The following RRAS2 variants were observed in gnomAD, a reference collection of about 807,000 sequenced individuals.
The protein encoded by RRAS2 is RAS related 2.
In RRAS2, 7 loss-of-function variants were observed where a neutral mutation model predicts 27.6. The ratio of observed to expected loss-of-function variants is 0.25; its 90% CI spans 0.14 to 0.48. The LOEUF (loss-of-function observed/expected upper bound fraction) is 0.48, where lower values mean the gene tolerates loss of function less well. Among genes scored for constraint, RRAS2 ranks in the 20% least tolerant of loss-of-function variants. RRAS2 has a pLI of 0.99. For missense variants in RRAS2, 178 were observed against 256.2 expected, an observed-to-expected ratio of 0.69 and a Z score of 2.08; for synonymous variants, 86 against 90.9, an observed-to-expected ratio of 0.95 and a Z score of 0.31.
At chr11:14,286,862 T>C (rs1221452103) in intron 4 of RRAS2, among the ~76,000 whole-genome samples, 1 of 152,240 alleles carries the variant, frequency 6.6e-6, no homozygotes, top group Non-Finnish European at 1.5e-5. Flanking sequence ...CAATTAACGA[T>C]AAGGAAGGAA....
rs1271102475 is a variant in RRAS2 at position 14,278,479 on chromosome 11, T to C, written c.*858A>G. On this transcript the variant is annotated 3_prime_UTR_variant, in exon 6 of 6. Transcript: ENST00000256196. ...TAAGAAAATAATGTATAAAAGTATATAGCAAAAACATTAATCATCTCTGAC... is the reference window on the plus strand; with the variant it reads ...TAAGAAAATAATGTATAAAAGTATACAGCAAAAACATTAATCATCTCTGAC... The C allele has an allele frequency of 6.6e-6, 1 of 152,240 alleles. No individual in the cohort carries two copies. Among genetic ancestry groups the C allele is most frequent in the South Asian group, 2.1e-4 (1 of 4,834 alleles). 9.4% of individuals were successfully genotyped at this position (152,240 alleles called of 1,614,324 possible).
At chr11:14,351,592 T>C (rs1199816748) in intron 1 of RRAS2, among the ~76,000 whole-genome samples, 3 of 152,054 alleles carry the variant, frequency 2.0e-5, no homozygotes, top group Middle Eastern at 3.2e-3. Flanking sequence ...TAGCCGGGCA[T>C]GGTGGCAAGC....
intron 1 of RRAS2, among the ~76,000 whole-genome samples, chr11:14,343,201 T>TA (rs1275739811): frequency 6.6e-6 from 1 of 152,110 alleles, no homozygotes; most frequent in Admixed American, 6.5e-5. Flanking sequence ...TACAAAGAAA[T>TA]AGACACTAAA....
chr11:14,280,377 G>C (rs1475587969), intron 5 of RRAS2, among the ~76,000 whole-genome samples: 5 of 151,906 alleles, frequency 3.3e-5, no homozygotes, highest in Admixed American at 1.3e-4. Flanking sequence ...ACAATGCCTT[G>C]GCAAGGAGCT....
intron 1 of RRAS2, among the ~76,000 whole-genome samples, chr11:14,364,235 C>T (rs984268339): frequency 8.5e-5 from 13 of 152,140 alleles, no homozygotes; most frequent in African/African-American, 3.1e-4. Context: ...CAAACAGCAT[C>T]CCTGGCCCAT....
chr11:14,308,866 C>T (rs1348149675), intron 1 of RRAS2, among the ~76,000 whole-genome samples: 8 of 152,282 alleles, frequency 5.3e-5, no homozygotes, highest in South Asian at 4.1e-4. Context: ...CTACATACCC[C>T]GCTTAATTGC....
At chr11:14,363,156 A>G (rs544661035), upstream of RRAS2, among the ~76,000 whole-genome samples, 18 of 152,332 alleles carry the variant, frequency 1.2e-4, no homozygotes, top group African/African-American at 3.6e-4. Context: ...AAAGCTAAAT[A>G]CTGACTGCGT....
At chr11:14,329,666 GC>G (rs1554951666) in intron 1 of RRAS2, among the ~76,000 whole-genome samples, 1 of 152,018 alleles carries the variant, frequency 6.6e-6, no homozygotes, top group East Asian at 1.9e-4. Context: ...CCAATTTCTG[GC>G]CATGATGCCA....
chr11:14,294,767 T>C lies in RRAS2; in HGVS notation c.292A>G (p.Arg98Gly). Residue 98 changes from arginine to glycine, a missense_variant, in exon 3 of 6, where the codon AGA (arginine) becomes GGA (glycine). By Grantham distance (125) the Arg-to-Gly change is moderately radical. Coordinates refer to ENST00000256196, the MANE Select transcript of RRAS2 (RefSeq NM_012250.6). ...TTCTAATATGGTACAAACCTGCCTCTATCTGTGACTGAAAAGACCAACAGG... is the reference window on the plus strand; with the variant it reads ...TTCTAATATGGTACAAACCTGCCTCCATCTGTGACTGAAAAGACCAACAGG... ...GFLLVFSVTD[R>G]GSFEEIYKFQ... 6.2e-7 allele frequency: 1 copy of C among 1,613,448 alleles called. No individual in the cohort carries two copies. The highest frequency in any genetic ancestry group is 1.3e-5 in the African/African-American group (1 of 75,022).
At chr11:14,349,355 G>C (rs1386657556) in intron 1 of RRAS2, among the ~76,000 whole-genome samples, 2 of 150,056 alleles carry the variant, frequency 1.3e-5, no homozygotes, top group African/African-American at 4.9e-5. Context: ...TAAAGAGGGG[G>C]GTTTCACTGT....
upstream of RRAS2, among the ~76,000 whole-genome samples, chr11:14,361,306 A>C (rs1554956159): frequency 6.6e-6 from 1 of 151,968 alleles, no homozygotes; most frequent in Admixed American, 6.6e-5. Context: ...AAAAAAAAAA[A>C]ATGTACTGGG....
chr11:14,285,908 T>C (rs1178662632), intron 4 of RRAS2, among the ~76,000 whole-genome samples: 1 of 152,198 alleles, frequency 6.6e-6, no homozygotes, highest in African/African-American at 2.4e-5. Context: ...TTCATTATAA[T>C]GTATCTTATA....
chr11:14,331,350 C>A (rs1349179065), intron 1 of RRAS2, among the ~76,000 whole-genome samples: 1 of 151,890 alleles, frequency 6.6e-6, no homozygotes, highest in African/African-American at 2.4e-5. Flanking sequence ...TTAACAAAAA[C>A]AAAGAGGATC....
chr11:14,362,889 G>T (rs953890225), upstream of RRAS2, among the ~76,000 whole-genome samples: 1 of 152,188 alleles, frequency 6.6e-6, no homozygotes, highest in Non-Finnish European at 1.5e-5. Flanking sequence ...GCTGTTGACT[G>T]CATCATTTTG....
intron 4 of RRAS2, 65 bp downstream of exon 4, chr11:14,294,406 A>T: frequency 1.8e-6 from 2 of 1,092,902 alleles, no homozygotes; most frequent in Non-Finnish European, 2.6e-6. Context: ...TTATTTCCTT[A>T]AATCTATCAG....
chr11:14,333,702 C>T (rs1848530189), intron 1 of RRAS2, among the ~76,000 whole-genome samples: 1 of 144,520 alleles, frequency 6.9e-6, no homozygotes, highest in African/African-American at 2.5e-5. Context: ...AGTGCAGTGG[C>T]AGCGATCACA....
rs375493364 is a variant in RRAS2, at chr11:14,294,182, CA to C, written c.408+288del. On this transcript the variant is annotated intron_variant, in intron 4 of 5. Coordinates refer to ENST00000256196, the MANE Select transcript of RRAS2 (RefSeq NM_012250.6). ...TTGGATGTAATCCAAGAAATTATTA[CA>C]TGCGAATAAAGCTAGTTTAAACACT... Among the ~76,000 whole-genome samples the C allele has an allele frequency of 1.1e-4, 17 of 152,332 alleles. No homozygotes were observed. In the East Asian group the frequency reaches 3.3e-3, roughly 29 times the overall value.
rs573169275 is a variant in RRAS2, at chr11:14,338,401, G to C, written c.108+20362C>G. ...TTTTGGAATATCTGCATATACATGA[G>C]TTATCCTGGGGGATGGGACCCAAGT... On this transcript the variant is annotated intron_variant, in intron 1 of 5. Transcript: ENST00000256196. 1.2e-4 allele frequency among the ~76,000 whole-genome samples: 18 copies of C among 152,282 alleles called. No homozygotes were observed. In the South Asian group the frequency reaches 3.7e-3, roughly 32 times the overall value.
At chr11:14,315,959 T>C (rs1357446451) in intron 1 of RRAS2, among the ~76,000 whole-genome samples, 2 of 152,128 alleles carry the variant, frequency 1.3e-5, no homozygotes, top group East Asian at 1.9e-4. Flanking sequence ...TTTACTGTGA[T>C]AAGAATGTAA....
Sources: gnomAD v4.1 joint callset for allele counts (sites outside exome capture counted in the v4.1 genomes callset) on GRCh38, gnomAD v4.1.1 for gene constraint, MANE v1.5 for transcripts, NCBI Gene and HGNC (gene_info 2026-07-23, HGNC 2026-07-21) for gene names.